Variants in GRIN2B observed in about 807,000 individuals in gnomAD.
GRIN2B encodes the protein glutamate ionotropic receptor NMDA type subunit 2B, also known as glutamate receptor ionotropic, NMDA 2B.
A neutral mutation model predicts 114.5 loss-of-function variants in GRIN2B; 5 were observed. The observed-to-expected ratio is 0.04, with a 90% CI of 0.02 to 0.09. The LOEUF (loss-of-function observed/expected upper bound fraction) is 0.09. GRIN2B is among the 10% of genes least tolerant of loss of function. The pLI, the probability that GRIN2B is intolerant of heterozygous loss-of-function variation, is 1.00. For synonymous variants in GRIN2B, 787 were observed against 745.1 expected (o/e 1.06, Z -0.92); for missense variants, 1,108 against 1,943.5 (o/e 0.57, Z 8.08).
At chr12:13,681,166 A>G (rs765120692) in intron 4 of GRIN2B, among the ~76,000 whole-genome samples, 18 of 152,172 alleles carry the variant, frequency 1.2e-4, no homozygotes, top group Non-Finnish European at 1.0e-4. Flanking sequence ...GAACTACAGT[A>G]CTTACTTTAC....
chr12:13,940,978 C>T (rs754019688), intron 2 of GRIN2B, among the ~76,000 whole-genome samples: 27 of 152,018 alleles, frequency 1.8e-4, no homozygotes, highest in Non-Finnish European at 3.5e-4. Flanking sequence ...CTCCAATTTC[C>T]CTTCATTTCC....
chr12:13,706,381 C>T (rs1950360308), intron 4 of GRIN2B, among the ~76,000 whole-genome samples: 1 of 152,058 alleles, frequency 6.6e-6, no homozygotes. Context: ...TCATACTTTC[C>T]CAGTGGGAGA....
intron 3 of GRIN2B, among the ~76,000 whole-genome samples, chr12:13,754,119 C>G (rs551932999): frequency 2.0e-4 from 31 of 152,260 alleles, no homozygotes; most frequent in African/African-American, 7.5e-4. Flanking sequence ...AAAATTGTCT[C>G]CTAGACTTTA....
chr12:13,537,978 C>T lies in GRIN2B; in HGVS notation c.*24805G>A, dbSNP rs764925072. On this transcript the variant is annotated 3_prime_UTR_variant, in exon 14 of 14. Transcript: ENST00000609686. ...CTCAGAACCACTTTTCTGGTGGTCT[C>T]TTCCCATCTTCTTGGTCATTCCAGA... The T allele has an allele frequency of 3.3e-5, 5 of 152,246 alleles. No individual in the cohort carries two copies. The highest frequency in any genetic ancestry group is 6.5e-5 in the Admixed American group (1 of 15,288). 9.4% of individuals were successfully genotyped at this position (152,246 alleles called of 1,614,324 possible).
intron 11 of GRIN2B, among the ~76,000 whole-genome samples, chr12:13,570,763 A>C (rs1948696606): frequency 6.6e-6 from 1 of 152,256 alleles, no homozygotes; most frequent in African/African-American, 2.4e-5. Flanking sequence ...ACCAACATTT[A>C]AACATATCAA....
At position 13,567,032 on chromosome 12, in the gene GRIN2B, A is replaced by T; in HGVS notation, c.2591T>A (p.Ile864Asn). Residue 864 changes from isoleucine to asparagine, a missense_variant, in exon 13 of 14, where the codon ATC (isoleucine) becomes AAC (asparagine). By Grantham distance (149) the Ile-to-Asn change is moderately radical. Transcript: ENST00000609686. ...CSGKPGMVFS[I>N]SRGIYSCIHG... Reference sequence around the variant, plus strand: ...TTAAATCAAAACACTTACTCTGCTGATGGAGAAGACCATGCCAGGCTTGCC... The same window carrying T: ...TTAAATCAAAACACTTACTCTGCTGTTGGAGAAGACCATGCCAGGCTTGCC... 1 of 1,608,896 alleles carries T rather than the reference A, an allele frequency of 6.2e-7. No homozygotes were observed. Among genetic ancestry groups the T allele is most frequent in the Non-Finnish European group, 8.5e-7 (1 of 1,175,098 alleles).
chr12:13,684,739 A>G, intron 4 of GRIN2B, among the ~76,000 whole-genome samples: 1 of 152,210 alleles, frequency 6.6e-6, no homozygotes, highest in East Asian at 1.9e-4. Context: ...TTAGGTGTTC[A>G]GTATGTTGGA....
chr12:13,604,188 G>A (rs553699368), intron 10 of GRIN2B, among the ~76,000 whole-genome samples: 4 of 152,264 alleles, frequency 2.6e-5, no homozygotes, highest in South Asian at 2.1e-4. Context: ...CTGATGGAAC[G>A]TACAGTCGGG....
chr12:13,923,184 A>G (rs536683469), intron 2 of GRIN2B, among the ~76,000 whole-genome samples: 1 of 152,174 alleles, frequency 6.6e-6, no homozygotes, highest in African/African-American at 2.4e-5. Context: ...TAGGGTATGC[A>G]TTCTGTTTAT....
chr12:13,883,137 A>AT (rs1333184662), intron 2 of GRIN2B, among the ~76,000 whole-genome samples: 2 of 152,170 alleles, frequency 1.3e-5, no homozygotes, highest in African/African-American at 4.8e-5. Flanking sequence ...ATTTATCACA[A>AT]TATGTTTATT....
At chr12:13,910,197 G>A (rs1197440055) in intron 2 of GRIN2B, among the ~76,000 whole-genome samples, 5 of 152,258 alleles carry the variant, frequency 3.3e-5, no homozygotes, top group Non-Finnish European at 7.4e-5. Flanking sequence ...CTGGTGTGCT[G>A]AATGATGCAC....
chr12:13,612,072 G>A (rs1030814922), intron 8 of GRIN2B, among the ~76,000 whole-genome samples: 5 of 152,142 alleles, frequency 3.3e-5, no homozygotes, highest in South Asian at 2.1e-4. Flanking sequence ...TCATGCCCGT[G>A]AGCCTCTTAG....
intron 2 of GRIN2B, among the ~76,000 whole-genome samples, chr12:13,872,102 G>C (rs1188764709): frequency 6.6e-6 from 1 of 151,446 alleles, no homozygotes; most frequent in African/African-American, 2.4e-5. Flanking sequence ...CATATAAGTG[G>C]AACAAAAAGA....
At chr12:13,761,621 A>G (rs1477572141) in intron 3 of GRIN2B, among the ~76,000 whole-genome samples, 2 of 152,188 alleles carry the variant, frequency 1.3e-5, no homozygotes, top group African/African-American at 4.8e-5. Context: ...AGACTCTTTC[A>G]TTTCATTTTA....
At chr12:13,773,682 C>A (rs1303304767) in intron 3 of GRIN2B, among the ~76,000 whole-genome samples, 1 of 152,192 alleles carries the variant, frequency 6.6e-6, no homozygotes, top group African/African-American at 2.4e-5. Flanking sequence ...ATACTCCAAA[C>A]CCCTTCAACA....
intron 3 of GRIN2B, among the ~76,000 whole-genome samples, chr12:13,799,034 G>A (rs1345895638): frequency 6.6e-6 from 1 of 152,202 alleles, no homozygotes; most frequent in Non-Finnish European, 1.5e-5. Context: ...TGACAAGTTT[G>A]GGTACTGGGA....
chr12:13,913,545 C>T (rs1228002870), intron 2 of GRIN2B, among the ~76,000 whole-genome samples: 1 of 152,174 alleles, frequency 6.6e-6, no homozygotes, highest in Non-Finnish European at 1.5e-5. Flanking sequence ...TCTGGTTCAA[C>T]CTCTGAAAAT....
chr12:13,630,181 C>T (rs1591650113), intron 5 of GRIN2B, among the ~76,000 whole-genome samples: 1 of 152,166 alleles, frequency 6.6e-6, no homozygotes, highest in South Asian at 2.1e-4. Context: ...AAAGGGGAAC[C>T]TGCTCCTGGC....
chr12:13,766,409 G>C (rs1320201891), intron 3 of GRIN2B, among the ~76,000 whole-genome samples: 2 of 152,144 alleles, frequency 1.3e-5, no homozygotes, highest in African/African-American at 4.8e-5. Context: ...GTTTTGTGCA[G>C]TGAGCAAAGT....
Sources: allele counts gnomAD v4.1 joint callset (sites outside exome capture counted in the v4.1 genomes callset), GRCh38; gene constraint gnomAD v4.1.1; transcripts MANE v1.5; gene names NCBI Gene and HGNC (gene_info 2026-07-23, HGNC 2026-07-21).